Variants in ARMC3 observed in about 807,000 individuals in gnomAD.
The protein encoded by ARMC3 is armadillo repeat-containing protein 3.
A neutral mutation model predicts 90.3 loss-of-function variants in ARMC3; 74 were observed. The ratio of observed to expected loss-of-function variants is 0.82; its 90% CI spans 0.68 to 0.99. The LOEUF (loss-of-function observed/expected upper bound fraction) is 0.99. ARMC3 is among the 50% of genes least tolerant of loss of function. The pLI, the probability that ARMC3 is intolerant of heterozygous loss-of-function variation, is 0.00. For missense variants in ARMC3, 958 were observed against 1,042.8 expected, an observed-to-expected ratio of 0.92 and a Z score of 1.12; for synonymous variants, 334 against 361.8, an observed-to-expected ratio of 0.92 and a Z score of 0.87.
chr10:22,967,148 T>G (rs1193588102), intron 7 of ARMC3, among the ~76,000 whole-genome samples: 3 of 152,286 alleles, frequency 2.0e-5, no homozygotes, highest in Non-Finnish European at 2.9e-5. Context: ...ATTCCCTCTG[T>G]GGCCAGGTAG....
intron 7 of ARMC3, among the ~76,000 whole-genome samples, chr10:22,966,592 G>A (rs1477718728): frequency 6.6e-6 from 1 of 152,186 alleles, no homozygotes; most frequent in Non-Finnish European, 1.5e-5. Flanking sequence ...ATGTGCATGT[G>A]TATATGGGTG....
chr10:22,988,346 A>G (rs1296872665), intron 10 of ARMC3, among the ~76,000 whole-genome samples: 2 of 152,220 alleles, frequency 1.3e-5, no homozygotes, highest in African/African-American at 2.4e-5. Flanking sequence ...GCATTTACTC[A>G]CAGTGACCAA....
chr10:23,019,887 A>G (rs1450588368), intron 16 of ARMC3, among the ~76,000 whole-genome samples: 1 of 152,192 alleles, frequency 6.6e-6, no homozygotes, highest in Non-Finnish European at 1.5e-5. Flanking sequence ...GAATAGGATC[A>G]TACAGTGTGT....
At chr10:22,993,243 T>C (rs1350823423) in intron 10 of ARMC3, among the ~76,000 whole-genome samples, 1 of 152,218 alleles carries the variant, frequency 6.6e-6, no homozygotes, top group African/African-American at 2.4e-5. Flanking sequence ...TGGTGTCAAC[T>C]GGTGCACACT....
intron 18 of ARMC3, 95 bp downstream of exon 18, chr10:23,033,118 T>G: frequency 5.0e-6 from 6 of 1,191,518 alleles, no homozygotes; most frequent in Non-Finnish European, 7.2e-6. Context: ...AACTGGATAT[T>G]ATTAATTCTA....
chr10:22,952,110 T>C (rs1469716875), intron 3 of ARMC3, among the ~76,000 whole-genome samples: 1 of 151,676 alleles, frequency 6.6e-6, no homozygotes, highest in East Asian at 1.9e-4. Context: ...GGCGACAGAG[T>C]GAGACTCCAT....
intron 1 of ARMC3, among the ~76,000 whole-genome samples, chr10:22,930,753 C>T (rs1262907994): frequency 6.6e-6 from 1 of 152,014 alleles, no homozygotes; most frequent in Non-Finnish European, 1.5e-5. Context: ...TTTCTACTTC[C>T]TAGGATTTCT....
rs774485377 is a variant in ARMC3, at chr10:23,033,027, T to G, written c.2409+4T>G. 6.2e-7 allele frequency: 1 copy of G among 1,611,758 alleles called. No homozygotes were observed. The highest frequency in any genetic ancestry group is 1.7e-5 in the Admixed American group (1 of 59,650). Reference sequence around the variant, plus strand: ...CCATCGAGCTTTGCTTTTCAAGGTGTGTAAGGTATTTTGCCTCATTTGCCA... The same window carrying G: ...CCATCGAGCTTTGCTTTTCAAGGTGGGTAAGGTATTTTGCCTCATTTGCCA... On this transcript the variant is annotated splice_donor_region_variant and intron_variant, in intron 18 of 18. Transcript: ENST00000298032.
At chr10:22,972,942 G>T (rs1161100114) in intron 8 of ARMC3, among the ~76,000 whole-genome samples, 1 of 152,056 alleles carries the variant, frequency 6.6e-6, no homozygotes, top group Non-Finnish European at 1.5e-5. Flanking sequence ...CCTGCAGGGA[G>T]CCCCCAGATC....
intron 2 of ARMC3, among the ~76,000 whole-genome samples, chr10:22,936,511 T>A (rs544725239): frequency 1.3e-5 from 2 of 152,354 alleles, no homozygotes; most frequent in African/African-American, 4.8e-5. Flanking sequence ...TCTAATTGAC[T>A]GGGCTTAAAA....
intron 10 of ARMC3, among the ~76,000 whole-genome samples, chr10:22,994,463 C>G (rs895370340): frequency 1.3e-5 from 2 of 152,026 alleles, no homozygotes. Flanking sequence ...TTTGGGAGGC[C>G]GAGGTGGCAG....
intron 16 of ARMC3, among the ~76,000 whole-genome samples, chr10:23,012,231 TTTA>T (rs1318178976): frequency 7.9e-5 from 12 of 152,242 alleles, no homozygotes; most frequent in Admixed American, 7.9e-4. Flanking sequence ...TATAGTTTGC[TTTA>T]TTGTGATATT....
chr10:22,977,722 A>G (rs1210485080), intron 8 of ARMC3, among the ~76,000 whole-genome samples: 1 of 152,204 alleles, frequency 6.6e-6, no homozygotes, highest in Non-Finnish European at 1.5e-5. Context: ...GAGGTGGTTT[A>G]ATTTTCTTAT....
chr10:22,977,968 T>A (rs1836004972), intron 8 of ARMC3, among the ~76,000 whole-genome samples: 1 of 152,226 alleles, frequency 6.6e-6, no homozygotes, highest in South Asian at 2.1e-4. Flanking sequence ...TACTGCCCAC[T>A]TCTGACCAGA....
Position 23,003,274 on chromosome 10 carries a change from G to T in ARMC3, c.1591G>T (p.Val531Leu), listed in dbSNP as rs144069041. 6.2e-7 allele frequency: 1 copy of T among 1,612,510 alleles called. No individual in the cohort carries two copies. The highest frequency in any genetic ancestry group is 1.3e-5 in the African/African-American group (1 of 74,956). Residue 531 changes from valine to leucine, a missense_variant, in exon 13 of 19, where the codon GTA (valine) becomes TTA (leucine). Physicochemically the swap from Val to Leu is conservative, Grantham distance 32. Transcript: ENST00000298032. ...TTTAGATATCCTTGAAGAAGTTAAC[G>T]TATCAGGAACTCGGAAAAATAAATT... is the stretch of plus-strand genomic sequence containing the variant. Reference protein sequence around the residue: ...GALDILEEVNVSGTRKNKFSE... With the variant: ...GALDILEEVNLSGTRKNKFSE...
chr10:23,023,120 C>A (rs142030270), intron 16 of ARMC3, among the ~76,000 whole-genome samples: 263 of 152,222 alleles, frequency 1.7e-3, no homozygotes, highest in African/African-American at 6.1e-3. Context: ...CCACAACAAG[C>A]CCCTGCCTAG....
intron 16 of ARMC3, among the ~76,000 whole-genome samples, chr10:23,027,221 C>T (rs1045171301): frequency 7.2e-5 from 11 of 152,130 alleles, no homozygotes; most frequent in African/African-American, 2.7e-4. Flanking sequence ...GGAGAACTGA[C>T]ATCTTTAATA....
chr10:23,028,789 A>G (rs1286888286), intron 16 of ARMC3, among the ~76,000 whole-genome samples: 1 of 152,200 alleles, frequency 6.6e-6, no homozygotes. Flanking sequence ...TTCAAAGTCT[A>G]TGTATGTGCT....
At chr10:23,027,554 T>C (rs1838761025) in intron 16 of ARMC3, among the ~76,000 whole-genome samples, 1 of 152,198 alleles carries the variant, frequency 6.6e-6, no homozygotes. Context: ...AGTTTCTACA[T>C]AGACAGTCAT....
Sources: allele counts gnomAD v4.1 joint callset (sites outside exome capture counted in the v4.1 genomes callset), GRCh38; gene constraint gnomAD v4.1.1; transcripts MANE v1.5; gene names NCBI Gene and HGNC (gene_info 2026-07-23, HGNC 2026-07-21).